RUNDC3A: variants seen among roughly 807,000 people sequenced by gnomAD.
RUNDC3A encodes the protein RUN domain-containing protein 3A.
RUNDC3A carries 28 observed loss-of-function variants against 53.9 expected under a neutral mutation model. That is an observed-to-expected ratio of 0.52 (90% CI 0.38 to 0.71). The LOEUF (loss-of-function observed/expected upper bound fraction) is 0.71, where lower values mean the gene tolerates loss of function less well. Among genes scored for constraint, RUNDC3A ranks in the 30% least tolerant of loss-of-function variants. The pLI is 0.00. For synonymous variants in RUNDC3A, 232 were observed against 249.4 expected, an observed-to-expected ratio of 0.93 and a Z score of 0.66; for missense variants, 491 against 597.3, an observed-to-expected ratio of 0.82 and a Z score of 1.85.
At chr17:44,309,560 T>C (rs1297725889) in intron 1 of RUNDC3A, among the ~76,000 whole-genome samples, 1 of 152,002 alleles carries the variant, frequency 6.6e-6, no homozygotes, top group Non-Finnish European at 1.5e-5. Flanking sequence ...GGTTGCAGGG[T>C]TGGGAAGATT....
Position 44,314,766 on chromosome 17 carries a change from C to A in RUNDC3A, c.490C>A (p.Arg164=), listed in dbSNP as rs1488800267. 1.9e-6 allele frequency: 3 copies of A among 1,609,024 alleles called. No individual in the cohort carries two copies. Among genetic ancestry groups the A allele is most frequent in the African/African-American group, 2.7e-5 (2 of 74,000 alleles). The change falls in exon 5 of 11, where the codon CGG becomes AGG. Residue 164 remains arginine (R), a synonymous_variant. Transcript: ENST00000426726. ...CTATGACTCTGGAGCCATCATGCTG[C>A]GGGATGAAGCCACCATCCTCACCGG... The part of the protein sequence containing the change: ...RFYDSGAIML[R]DEATILTGML...
At position 44,316,820 on chromosome 17, in the gene RUNDC3A, CTTTTTTTTTTTT is replaced by C. The variant is rs35019446; in HGVS notation, c.1198+104_1198+115del. ...GCATGTCCTCATTCATTCTCTTAGTCTTTTTTTTTTTTTTTTTTTTGAGACGGAGTCTCACTC... is the reference window on the plus strand; with the variant it reads ...GCATGTCCTCATTCATTCTCTTAGTCTTTTTTTTGAGACGGAGTCTCACTC... On this transcript the variant is annotated intron_variant, in intron 10 of 10. Coordinates refer to ENST00000426726, the MANE Select transcript of RUNDC3A (RefSeq NM_001144825.2). 1.5e-5 allele frequency: 6 copies of C among 398,464 alleles called. 1 individual carries two copies. Among genetic ancestry groups the C allele is most frequent in the East Asian group, 1.2e-4 (3 of 25,228 alleles). 24.7% of individuals were successfully genotyped at this position (398,464 alleles called of 1,614,324 possible). A position where few individuals can be genotyped will look rare whatever the true frequency, so the allele number is the denominator to read the frequency against.
chr17:44,318,027 T>C, intron 10 of RUNDC3A, 69 bp from the exon 11 acceptor site: 1 of 1,469,038 alleles, frequency 6.8e-7, no homozygotes, highest in Non-Finnish European at 9.3e-7. Flanking sequence ...GCCCCTTCAC[T>C]GCCCACCCCT....
intron 4 of RUNDC3A, chr17:44,313,990 C>G (rs2047802665): frequency 1.0e-6 from 1 of 992,062 alleles, no homozygotes; most frequent in Non-Finnish European, 1.2e-6. Context: ...CTTTTACCAC[C>G]ACCACCACCA....
chr17:44,312,549 C>T (rs2047767941), intron 1 of RUNDC3A, 31 bp from the exon 2 acceptor site: 1 of 1,281,094 alleles, frequency 7.8e-7, no homozygotes, highest in East Asian at 2.5e-5. Context: ...CCTGACACCC[C>T]ACTGCCCCAT....
chr17:44,318,255 T>C lies in RUNDC3A; in HGVS notation c.*17T>C. 6.5e-7 allele frequency: 1 copy of C among 1,540,554 alleles called. No homozygotes were observed. ...CCCAGCTGAGGAACAGCATGGGCAG[T>C]GCCAGCCCCACCTGCCAGGGGCCAT... On this transcript the variant is annotated 3_prime_UTR_variant, in exon 11 of 11. Coordinates refer to ENST00000426726, the MANE Select transcript of RUNDC3A (RefSeq NM_001144825.2).
chr17:44,317,218 C>T (rs778579632), intron 10 of RUNDC3A: 11 of 578,198 alleles, frequency 1.9e-5, no homozygotes, highest in Non-Finnish European at 3.4e-5. Flanking sequence ...ACAGCATATG[C>T]AGAACCCAGC....
At chr17:44,316,779 GC>G (rs34004571) in intron 10 of RUNDC3A, 54 bp downstream of exon 10, 1 of 1,145,488 alleles carries the variant, frequency 8.7e-7, no homozygotes. Flanking sequence ...CTGAGGCAAG[GC>G]CCTGAGGCCT....
Position 44,318,569 on chromosome 17 carries a change from A to C in RUNDC3A, c.*331A>C, listed in dbSNP as rs1294759656. The C allele has an allele frequency of 3.5e-5, 10 of 287,736 alleles. No homozygotes were observed. Among genetic ancestry groups the C allele is most frequent in the South Asian group, 1.2e-4 (2 of 16,898 alleles). 17.8% of individuals were successfully genotyped at this position (287,736 alleles called of 1,614,324 possible). A position where few individuals can be genotyped will look rare whatever the true frequency, so the allele number is the denominator to read the frequency against. ...CTGGTGGCCCAGCTTCCACACCCCC[A>C]CCTCCCAGTCTCTAGCCTCTCCATC... is the stretch of plus-strand genomic sequence containing the variant. On this transcript the variant is annotated 3_prime_UTR_variant, in exon 11 of 11. Coordinates refer to ENST00000426726, the MANE Select transcript of RUNDC3A (RefSeq NM_001144825.2).
At chr17:44,317,313 T>C (rs1018875828) in intron 10 of RUNDC3A, among the ~76,000 whole-genome samples, 18 of 152,232 alleles carry the variant, frequency 1.2e-4, no homozygotes, top group African/African-American at 3.9e-4. Context: ...AATGGGGATG[T>C]TGATAATCAC....
chr17:44,308,891 C>T lies in RUNDC3A; in HGVS notation c.59C>T (p.Ser20Phe), dbSNP rs370330209. 8.1e-6 allele frequency: 13 copies of T among 1,611,796 alleles called. No homozygotes were observed. Among genetic ancestry groups the T allele is most frequent in the East Asian group, 2.2e-5 (1 of 44,648 alleles). ...CTGGGGCTGTCCTCCAAGAAAGCGT[C>T]CTCTCGCAACGTGGCTGTGGAGCGT... is the stretch of plus-strand genomic sequence containing the variant. Reference protein sequence around the residue: ...MALGLSSKKASSRNVAVERKN... With the variant: ...MALGLSSKKAFSRNVAVERKN... Residue 20 changes from serine (S) to phenylalanine (F), a missense_variant, in exon 1 of 11, where the codon TCC becomes TTC. Physicochemically the swap from Ser to Phe is radical, Grantham distance 155 (BLOSUM62 -2). Transcript: ENST00000426726.
intron 4 of RUNDC3A, chr17:44,313,917 G>A (rs964015163): frequency 1.8e-5 from 17 of 958,322 alleles, no homozygotes; most frequent in Non-Finnish European, 1.6e-5. Flanking sequence ...TGATCCTCCC[G>A]CCTTGGCCTC....
intron 4 of RUNDC3A, chr17:44,313,751 G>C (rs569746268): frequency 1.7e-6 from 2 of 1,167,282 alleles, no homozygotes; most frequent in African/African-American, 3.3e-5. Context: ...GCGCGATCTC[G>C]GCTCACTGCA....
chr17:44,312,545 A>C (rs2047767816), intron 1 of RUNDC3A, 35 bp from the exon 2 acceptor site: 2 of 1,230,258 alleles, frequency 1.6e-6, no homozygotes, highest in East Asian at 2.6e-5. Flanking sequence ...CTCACCTGAC[A>C]CCCCACTGCC....
chr17:44,316,472 G>C lies in RUNDC3A; in HGVS notation c.1041G>C (p.Leu347=). The C allele has an allele frequency of 6.2e-7, 1 of 1,613,612 alleles. No individual in the cohort carries two copies. The highest frequency in any genetic ancestry group is 1.6e-4 in the Middle Eastern group (1 of 6,062). Reference sequence around the variant, plus strand: ...CCCTGGTCAATCAATGGCCCTCACTGGGAACGCTTAATGGGGCCGAGGGCG... The same window carrying C: ...CCCTGGTCAATCAATGGCCCTCACTCGGAACGCTTAATGGGGCCGAGGGCG... ...TTPLVNQWPS[L]GTLNGAEGAS... Residue 347 remains leucine (L), a synonymous_variant, in exon 9 of 11, where the codon CTG becomes CTC. Coordinates refer to ENST00000426726, the MANE Select transcript of RUNDC3A (RefSeq NM_001144825.2).
rs887343096 is a variant in RUNDC3A at position 44,318,243 on chromosome 17, C to T, written c.*5C>T. ...CCAGCACTGAGCCCCAGCTGAGGAA[C>T]AGCATGGGCAGTGCCAGCCCCACCT... is the stretch of plus-strand genomic sequence containing the variant. On this transcript the variant is annotated 3_prime_UTR_variant, in exon 11 of 11. Transcript: ENST00000426726. 1.3e-6 allele frequency: 2 copies of T among 1,547,678 alleles called. No homozygotes were observed. Among genetic ancestry groups the T allele is most frequent in the Non-Finnish European group, 1.7e-6 (2 of 1,144,804 alleles).
Position 44,318,178 on chromosome 17 carries a change from A to T in RUNDC3A, c.1281A>T (p.Lys427Asn). The change falls in exon 11 of 11, where the codon AAA becomes AAT. Residue 427 changes from lysine (K) to asparagine (N), a missense_variant. Coordinates refer to ENST00000426726, the MANE Select transcript of RUNDC3A (RefSeq NM_001144825.2). ...GCTGCAAGTCCCTGGCGAGCTTCAAATCCAACGAGTGCCTGGTGAGCGACA... is the reference window on the plus strand; with the variant it reads ...GCTGCAAGTCCCTGGCGAGCTTCAATTCCAACGAGTGCCTGGTGAGCGACA... ...IPSCKSLASF[K>N]SNECLVSDSP... is the part of the protein sequence containing the mutation. The T allele has an allele frequency of 1.9e-6, 3 of 1,551,460 alleles. No homozygotes were observed. Among genetic ancestry groups the T allele is most frequent in the Non-Finnish European group, 2.6e-6 (3 of 1,146,976 alleles).
chr17:44,318,507 G>T lies in RUNDC3A; in HGVS notation c.*269G>T, dbSNP rs148524274. 301 of 477,076 alleles carry T rather than the reference G, an allele frequency of 6.3e-4. 1 individual carries two copies. The East Asian group carries it at 0.01, about 16-fold the overall frequency. The allele number at this position is 477,076 out of a possible 1,614,324, so 29.6% of individuals were successfully genotyped here. ...CCTGCTCCATTCTTCTGGTGACCTT[G>T]GCGCTCCTTCACTCATCTCCCCTGC... On this transcript the variant is annotated 3_prime_UTR_variant, in exon 11 of 11. Transcript: ENST00000426726.
chr17:44,318,346 C>G lies in RUNDC3A; in HGVS notation c.*108C>G, dbSNP rs1406594989. 8.1e-7 allele frequency: 1 copy of G among 1,227,338 alleles called. No individual in the cohort carries two copies. The highest frequency in any genetic ancestry group is 1.5e-5 in the African/African-American group (1 of 66,790). The allele number at this position is 1,227,338 out of a possible 1,614,324, so 76.0% of individuals were successfully genotyped here. On this transcript the variant is annotated 3_prime_UTR_variant, in exon 11 of 11. Transcript: ENST00000426726. ...AGGCTACCCTTCCAGAGAACGCTAC[C>G]CACCCAGCCAGGGTTCTCTCGGGGA...
Sources: allele counts gnomAD v4.1 joint callset (sites outside exome capture counted in the v4.1 genomes callset), GRCh38; gene constraint gnomAD v4.1.1; transcripts MANE v1.5; gene names NCBI Gene and HGNC (gene_info 2026-07-23, HGNC 2026-07-21).